PRMT3: variants seen among roughly 807,000 people sequenced by gnomAD.
The protein encoded by PRMT3 is protein arginine methyltransferase 3.
A neutral mutation model predicts 71.9 loss-of-function variants in PRMT3; 62 were observed. The observed-to-expected ratio is 0.86, with a 90% CI of 0.70 to 1.07. The LOEUF (loss-of-function observed/expected upper bound fraction) is 1.07, where lower values mean the gene tolerates loss of function less well. Among genes scored for constraint, PRMT3 ranks in the 50% least tolerant of loss-of-function variants. The pLI, the probability that PRMT3 is intolerant of heterozygous loss-of-function variation, is 0.00. For missense variants in PRMT3, 663 were observed against 643.0 expected, an observed-to-expected ratio of 1.03 and a Z score of -0.34; for synonymous variants, 213 against 220.4, an observed-to-expected ratio of 0.97 and a Z score of 0.30.
intron 15 of PRMT3, among the ~76,000 whole-genome samples, chr11:20,498,265 T>C (rs918897913): frequency 6.6e-6 from 1 of 152,114 alleles, no homozygotes; most frequent in African/African-American, 2.4e-5. Flanking sequence ...CAACAGGAAG[T>C]ATATTTGATA....
chr11:20,408,064 A>T (rs759917326), intron 9 of PRMT3, 32 bp downstream of exon 9: 18 of 1,415,082 alleles, frequency 1.3e-5, no homozygotes, highest in Non-Finnish European at 1.7e-5. Context: ...ATTTAAGATT[A>T]TTTTAAAATT....
intron 3 of PRMT3, among the ~76,000 whole-genome samples, chr11:20,390,907 G>A (rs568009075): frequency 9.2e-5 from 14 of 152,210 alleles, no homozygotes; most frequent in South Asian, 4.2e-4. Context: ...AAAATTAGTC[G>A]GGCATGGTGG....
chr11:20,444,763 GTTGT>G (rs1450453089), intron 10 of PRMT3, among the ~76,000 whole-genome samples: 2 of 152,094 alleles, frequency 1.3e-5, no homozygotes, highest in African/African-American at 4.8e-5. Flanking sequence ...TTTGAGTCAA[GTTGT>G]TCAGGTCTTT....
chr11:20,388,025 G>A lies in PRMT3; in HGVS notation c.35G>A (p.Arg12Gln), dbSNP rs780698621. ...TGTTGTGTGTGTGTGTTAGGCGGCC[G>A]GGGCGCTGTGGAGAATGAGGAGGAC... ...CSLASGATGGRGAVENEEDLP... is the reference protein window; with the variant it reads ...CSLASGATGGQGAVENEEDLP... Residue 12 changes from arginine to glutamine, a missense_variant, in exon 2 of 16, where the codon CGG becomes CAG. Arg to Gln is a conservative substitution (Grantham distance 43). Transcript: ENST00000331079. 1.9e-6 allele frequency: 3 copies of A among 1,613,912 alleles called. No individual in the cohort carries two copies. The highest frequency in any genetic ancestry group is 3.3e-5 in the Admixed American group (2 of 60,030).
chr11:20,394,086 A>G (rs1848773591), intron 5 of PRMT3, among the ~76,000 whole-genome samples: 1 of 152,204 alleles, frequency 6.6e-6, no homozygotes, highest in Non-Finnish European at 1.5e-5. Context: ...CGTTTGGCTT[A>G]GCTATTTTGT....
intron 11 of PRMT3, among the ~76,000 whole-genome samples, chr11:20,454,599 A>G (rs1199100746): frequency 1.3e-5 from 2 of 152,216 alleles, no homozygotes; most frequent in Non-Finnish European, 2.9e-5. Context: ...AAAGAGTAAC[A>G]AAAAATAGTC....
chr11:20,493,878 T>G (rs763820522), intron 13 of PRMT3, 41 bp from the exon 14 acceptor site: 29 of 1,331,760 alleles, frequency 2.2e-5, no homozygotes, highest in Non-Finnish European at 2.9e-5. Context: ...TATTATGTAA[T>G]TCATTTAGTA....
At position 20,397,628 on chromosome 11, in the gene PRMT3, A is replaced by G; in HGVS notation, c.612A>G (p.Ser204=). 1 of 1,614,138 alleles carries G rather than the reference A, an allele frequency of 6.2e-7. No individual in the cohort carries two copies. The highest frequency in any genetic ancestry group is 8.5e-7 in the Non-Finnish European group (1 of 1,180,016). Residue 204 remains serine (S), a synonymous_variant, in exon 7 of 16, where the codon TCA becomes TCG. Coordinates refer to ENST00000331079, the MANE Select transcript of PRMT3 (RefSeq NM_005788.4). ...ACACAGATGTCAGAACCTGCTCGTC[A>G]TCTACTAGTGTCATTGCGGACCTCC... ...VMHTDVRTCS[S]STSVIADLQE...
rs764946301 is a variant in PRMT3, at chr11:20,407,927, G to C, written c.788G>C (p.Gly263Ala). 6.2e-7 allele frequency: 1 copy of C among 1,610,824 alleles called. No individual in the cohort carries two copies. Among genetic ancestry groups the C allele is most frequent in the Non-Finnish European group, 8.5e-7 (1 of 1,177,922 alleles). ...TTACCCTAGGTAGTTTTGGATGTTG[G>C]GTGTGGAACTGGAATTCTCTCTATG... ...IFKDKVVLDV[G>A]CGTGILSMFA... The change falls in exon 9 of 16, where the codon GGG becomes GCG. Residue 263 changes from glycine (G) to alanine (A), a missense_variant. Coordinates refer to ENST00000331079, the MANE Select transcript of PRMT3 (RefSeq NM_005788.4).
intron 6 of PRMT3, among the ~76,000 whole-genome samples, chr11:20,397,083 A>G (rs1462483013): frequency 6.6e-6 from 1 of 152,098 alleles, no homozygotes; most frequent in Non-Finnish European, 1.5e-5. Context: ...ATGGATTCCT[A>G]ATATGTCATG....
chr11:20,497,733 C>T (rs1851365368), intron 15 of PRMT3, among the ~76,000 whole-genome samples: 1 of 152,142 alleles, frequency 6.6e-6, no homozygotes, highest in South Asian at 2.1e-4. Context: ...GTAGTTGGAG[C>T]AAATGTGTAC....
At chr11:20,432,435 C>G (rs1849673522) in intron 10 of PRMT3, among the ~76,000 whole-genome samples, 1 of 151,982 alleles carries the variant, frequency 6.6e-6, no homozygotes, top group South Asian at 2.1e-4. Context: ...GTATATATGT[C>G]ACATTTTTTT....
intron 9 of PRMT3, among the ~76,000 whole-genome samples, chr11:20,420,273 G>A (rs765683329): frequency 2.0e-5 from 3 of 152,188 alleles, no homozygotes; most frequent in South Asian, 4.1e-4. Context: ...TCTATTGAGC[G>A]TCTCAAGAGA....
chr11:20,442,833 T>C (rs1849939735), intron 10 of PRMT3, among the ~76,000 whole-genome samples: 1 of 152,252 alleles, frequency 6.6e-6, no homozygotes, highest in African/African-American at 2.4e-5. Context: ...TTACAAATAA[T>C]ATTGTATTGA....
intron 11 of PRMT3, among the ~76,000 whole-genome samples, chr11:20,457,351 C>T (rs1306343951): frequency 1.3e-5 from 2 of 152,162 alleles, no homozygotes; most frequent in African/African-American, 4.8e-5. Flanking sequence ...AATGTGGCAT[C>T]ATGCATAATG....
At chr11:20,476,038 A>G (rs1171899769) in intron 13 of PRMT3, among the ~76,000 whole-genome samples, 3 of 152,014 alleles carry the variant, frequency 2.0e-5, no homozygotes, top group Non-Finnish European at 4.4e-5. Flanking sequence ...ACTTGTCTAT[A>G]AAGCAGGCAC....
At chr11:20,417,591 A>G (rs867392913) in intron 9 of PRMT3, among the ~76,000 whole-genome samples, 12 of 152,246 alleles carry the variant, frequency 7.9e-5, no homozygotes, top group Middle Eastern at 6.8e-3. Flanking sequence ...ATTTAATCCT[A>G]TATTTTTTAT....
intron 12 of PRMT3, among the ~76,000 whole-genome samples, chr11:20,462,843 T>A (rs1016505792): frequency 2.0e-5 from 3 of 151,726 alleles, no homozygotes; most frequent in Non-Finnish European, 2.9e-5. Flanking sequence ...GTATGTTCAG[T>A]GTTAGGTTCA....
rs1173345024 is a variant in PRMT3 at position 20,397,701 on chromosome 11, A to T, written c.685A>T (p.Ile229Leu). 5.6e-6 allele frequency: 9 copies of T among 1,613,922 alleles called. No individual in the cohort carries two copies. The highest frequency in any genetic ancestry group is 7.6e-6 in the Non-Finnish European group (9 of 1,179,994). ...VYFSSYGHYGIHEEMLKDKIR... is the reference protein window; with the variant it reads ...VYFSSYGHYGLHEEMLKDKIR... The stretch of plus-strand genomic sequence containing the variant: ...TTTCAGCTCATACGGGCATTATGGG[A>T]TACATGAAGAAATGCTAAAGGTTAG... The change falls in exon 7 of 16, where the codon ATA becomes TTA. Residue 229 changes from isoleucine (I) to leucine (L), a missense_variant. Physicochemically the swap from Ile to Leu is conservative, Grantham distance 5 (BLOSUM62 2). Transcript: ENST00000331079.
Sources: gnomAD v4.1 joint callset for allele counts (sites outside exome capture counted in the v4.1 genomes callset) on GRCh38, gnomAD v4.1.1 for gene constraint, MANE v1.5 for transcripts, NCBI Gene and HGNC (gene_info 2026-07-23, HGNC 2026-07-21) for gene names.